The following TBC1D9 variants were observed in gnomAD, a reference collection of about 807,000 sequenced individuals.
The protein encoded by TBC1D9 is TBC1 domain family member 9A.
TBC1D9 carries 63 observed loss-of-function variants against 132.0 expected under a neutral mutation model. The ratio of observed to expected loss-of-function variants is 0.48; its 90% CI spans 0.39 to 0.59. The LOEUF (loss-of-function observed/expected upper bound fraction) is 0.59, where lower values mean the gene tolerates loss of function less well. Among genes scored for constraint, TBC1D9 ranks in the 20% least tolerant of loss-of-function variants. The probability of loss-of-function intolerance (pLI) is 0.00; values close to 1 mark genes in which losing one functional copy is unlikely to be tolerated. For missense variants in TBC1D9, 1,261 were observed against 1,592.7 expected (o/e 0.79, Z 3.54); for synonymous variants, 610 against 609.9 (o/e 1.00, Z 0.00).
intron 18 of TBC1D9, 123 bp downstream of exon 18, chr4:140,627,318 C>G (rs1241688635): frequency 1.5e-6 from 1 of 652,890 alleles, no homozygotes; most frequent in Non-Finnish European, 2.7e-6. Context: ...GGAAAGTAAC[C>G]AATTAAGGCA....
intron 1 of TBC1D9, among the ~76,000 whole-genome samples, chr4:140,719,999 C>A (rs539082669): frequency 6.6e-6 from 1 of 152,306 alleles, no homozygotes; most frequent in Non-Finnish European, 1.5e-5. Context: ...TCTTCACCCA[C>A]TTAATGAAGA....
chr4:140,702,339 T>G (rs1032035630), intron 1 of TBC1D9, among the ~76,000 whole-genome samples: 1 of 152,236 alleles, frequency 6.6e-6, no homozygotes, highest in Non-Finnish European at 1.5e-5. Context: ...AGCAATTTAT[T>G]TGTAAGGAAT....
chr4:140,717,162 C>T (rs1031602094), intron 1 of TBC1D9, among the ~76,000 whole-genome samples: 3 of 152,152 alleles, frequency 2.0e-5, no homozygotes, highest in African/African-American at 4.8e-5. Flanking sequence ...CGTTCTGTTA[C>T]ATCACCCTAA....
intron 6 of TBC1D9, among the ~76,000 whole-genome samples, chr4:140,671,342 G>A (rs1737532823): frequency 6.6e-6 from 1 of 152,112 alleles, no homozygotes; most frequent in Non-Finnish European, 1.5e-5. Context: ...ACGAAAGCCT[G>A]TCCCAAAATG....
chr4:140,639,474 A>C (rs941999244), intron 13 of TBC1D9, 46 bp from the exon 14 acceptor site: 2 of 1,350,916 alleles, frequency 1.5e-6, no homozygotes, highest in African/African-American at 2.9e-5. Context: ...CTCTTACAGC[A>C]CACAATGTCC....
intron 6 of TBC1D9, among the ~76,000 whole-genome samples, chr4:140,673,292 G>C (rs985754017): frequency 6.6e-6 from 1 of 152,134 alleles, no homozygotes; most frequent in African/African-American, 2.4e-5. Context: ...TATGTAGAAT[G>C]TGTGTTAAAA....
At chr4:140,738,955 G>T (rs1738717690) in intron 1 of TBC1D9, among the ~76,000 whole-genome samples, 1 of 152,144 alleles carries the variant, frequency 6.6e-6, no homozygotes, top group African/African-American at 2.4e-5. Context: ...GAAGGGAGAA[G>T]GTACAGCCTC....
chr4:140,638,284 C>T (rs936491846), intron 15 of TBC1D9, among the ~76,000 whole-genome samples: 2 of 152,068 alleles, frequency 1.3e-5, no homozygotes, highest in Non-Finnish European at 1.5e-5. Context: ...CACATTTTAA[C>T]CTCTGATGCT....
intron 1 of TBC1D9, among the ~76,000 whole-genome samples, chr4:140,737,465 TCA>T (rs1009265380): frequency 5.6e-4 from 73 of 131,456 alleles, no homozygotes; most frequent in African/African-American, 1.6e-3. Flanking sequence ...TCTCTCTCTC[TCA>T]CACACACATA....
At chr4:140,657,393 T>C (rs1737290099) in intron 12 of TBC1D9, 134 bp downstream of exon 12, 1 of 1,345,690 alleles carries the variant, frequency 7.4e-7, no homozygotes, top group African/African-American at 1.5e-5. Flanking sequence ...AAAAAGCATA[T>C]GAAAATAAAT....
At chr4:140,686,900 T>A (rs1737789880) in intron 2 of TBC1D9, among the ~76,000 whole-genome samples, 1 of 152,144 alleles carries the variant, frequency 6.6e-6, no homozygotes, top group Non-Finnish European at 1.5e-5. Context: ...ACTGGAGAAC[T>A]GATGTAACCA....
chr4:140,644,873 T>G (rs1737077305), intron 13 of TBC1D9: 1 of 432,942 alleles, frequency 2.3e-6, no homozygotes, highest in African/African-American at 2.1e-5. Flanking sequence ...TGGGAGTCCC[T>G]GACAAACTGG....
chr4:140,634,856 G>A (rs1471274302), intron 15 of TBC1D9, among the ~76,000 whole-genome samples: 1 of 152,154 alleles, frequency 6.6e-6, no homozygotes, highest in African/African-American at 2.4e-5. Flanking sequence ...TATCAGCGTA[G>A]GAACCACTCC....
chr4:140,704,278 G>A (rs961387423), intron 1 of TBC1D9, among the ~76,000 whole-genome samples: 4 of 152,000 alleles, frequency 2.6e-5, no homozygotes, highest in Non-Finnish European at 5.9e-5. Flanking sequence ...GTGTGCACCT[G>A]TAATCCCAGC....
At chr4:140,744,367 T>C (rs1164222716) in intron 1 of TBC1D9, among the ~76,000 whole-genome samples, 1 of 152,130 alleles carries the variant, frequency 6.6e-6, no homozygotes, top group Non-Finnish European at 1.5e-5. Context: ...AAAAAACTAG[T>C]TCAGGCCATG....
At chr4:140,736,142 A>G (rs755553858) in intron 1 of TBC1D9, among the ~76,000 whole-genome samples, 91 of 151,900 alleles carry the variant, frequency 6.0e-4, no homozygotes, top group Non-Finnish European at 1.1e-3. Context: ...GGTTGTCAGG[A>G]AGGAAAATTG....
intron 1 of TBC1D9, among the ~76,000 whole-genome samples, chr4:140,705,690 C>T (rs1345248119): frequency 1.3e-5 from 2 of 152,000 alleles, no homozygotes; most frequent in African/African-American, 2.4e-5. Flanking sequence ...CTAGAGAATC[C>T]CCCCGCCCCA....
At position 140,645,926 on chromosome 4, in the gene TBC1D9, C is replaced by T. The variant is rs143034694; in HGVS notation, c.2338-6498G>A. ...ATTGTCATCTCACCAGAACAATAAACGCTCAGAGAAACAGTATGTCCCCAC... is the reference window on the plus strand; with the variant it reads ...ATTGTCATCTCACCAGAACAATAAATGCTCAGAGAAACAGTATGTCCCCAC... On this transcript the variant is annotated intron_variant, in intron 13 of 20. Coordinates refer to ENST00000442267, the MANE Select transcript of TBC1D9 (RefSeq NM_015130.3). 3.3e-5 allele frequency among the ~76,000 whole-genome samples: 5 copies of T among 152,334 alleles called. No homozygotes were observed. The East Asian group carries it at 9.6e-4, about 29-fold the overall frequency.
chr4:140,731,392 C>A (rs1410302078), intron 1 of TBC1D9, among the ~76,000 whole-genome samples: 1 of 152,044 alleles, frequency 6.6e-6, no homozygotes, highest in Non-Finnish European at 1.5e-5. Context: ...CCTGACTACC[C>A]ATTAAAGAAG....
Sources: gnomAD v4.1 joint callset for allele counts (sites outside exome capture counted in the v4.1 genomes callset) on GRCh38, gnomAD v4.1.1 for gene constraint, MANE v1.5 for transcripts, NCBI Gene and HGNC (gene_info 2026-07-23, HGNC 2026-07-21) for gene names.